The following PDE3B variants were observed in gnomAD, a reference collection of about 807,000 sequenced individuals.
PDE3B encodes the protein phosphodiesterase 3B.
In PDE3B, 66 loss-of-function variants were observed where a neutral mutation model predicts 116.8. The ratio of observed to expected loss-of-function variants is 0.56; its 90% CI spans 0.46 to 0.69. The LOEUF (loss-of-function observed/expected upper bound fraction) is 0.69, where lower values mean the gene tolerates loss of function less well. PDE3B is among the 30% of genes least tolerant of loss of function. The probability of loss-of-function intolerance (pLI) is 0.00; values close to 1 mark genes in which losing one functional copy is unlikely to be tolerated. For synonymous variants in PDE3B, 595 were observed against 533.6 expected (o/e 1.12, Z -1.59); for missense variants, 1,384 against 1,368.1 (o/e 1.01, Z -0.18).
downstream of PDE3B, among the ~76,000 whole-genome samples, chr11:14,876,543 A>C (rs1383616987): frequency 5.3e-5 from 8 of 152,158 alleles, no homozygotes; most frequent in African/African-American, 1.7e-4. Flanking sequence ...GTAGTCAGGC[A>C]TATGTTCAGG....
chr11:14,692,866 G>A (rs182754997), intron 1 of PDE3B, among the ~76,000 whole-genome samples: 1 of 152,232 alleles, frequency 6.6e-6, no homozygotes, highest in Admixed American at 6.5e-5. Flanking sequence ...TAAATAGAAA[G>A]CCAGAATGAT....
chr11:14,666,505 AATGGGAGAAAATTTTCGCAACCTACTC>A (rs1854158749), intron 1 of PDE3B, among the ~76,000 whole-genome samples: 2 of 150,208 alleles, frequency 1.3e-5, no homozygotes, highest in South Asian at 4.2e-4. Context: ...CAACCTACAA[AATGGGAGAAAATTTTCGCAACCTACTC>A]ATCTGACAAA....
chr11:14,845,673 C>G (rs903841276), intron 12 of PDE3B, among the ~76,000 whole-genome samples: 1 of 152,076 alleles, frequency 6.6e-6, no homozygotes, highest in Admixed American at 6.5e-5. Flanking sequence ...AGCCAAGGCT[C>G]GAAAACTACG....
the PDE3B span, among the ~76,000 whole-genome samples, chr11:14,895,549 A>G: frequency 6.6e-6 from 1 of 151,928 alleles, no homozygotes; most frequent in Non-Finnish European, 1.5e-5. Flanking sequence ...GAAGACTTTG[A>G]TTACAAAATG....
intron 1 of PDE3B, among the ~76,000 whole-genome samples, chr11:14,655,809 G>C (rs1441488281): frequency 1.3e-5 from 2 of 152,188 alleles, no homozygotes; most frequent in African/African-American, 4.8e-5. Flanking sequence ...ACATTGTTGT[G>C]GAAATCAGAA....
rs1858211896 is a variant in PDE3B at position 14,786,680 on chromosome 11, A to C, written c.1273A>C (p.Asn425His). Residue 425 changes from asparagine to histidine, a missense_variant, in exon 3 of 16, where the codon AAC becomes CAC. Physicochemically the swap from Asn to His is moderately conservative, Grantham distance 68. Coordinates refer to ENST00000282096, the MANE Select transcript of PDE3B (RefSeq NM_000922.4). ...AGCTGAGAAAGGGGATAGAAAACTT[A>C]ACAAGGTCGAAATACAGTAATCATC... ...DPAEKGDRKL[N>H]KGLNRNSLPT... The C allele has an allele frequency of 6.2e-7, 1 of 1,608,954 alleles. No homozygotes were observed.
intron 1 of PDE3B, among the ~76,000 whole-genome samples, chr11:14,733,563 G>A (rs1347476956): frequency 6.6e-6 from 1 of 152,098 alleles, no homozygotes; most frequent in East Asian, 1.9e-4. Context: ...TAGGGTTATG[G>A]GAGTCAGCTA....
chr11:14,718,724 G>A (rs1330996087), intron 1 of PDE3B, among the ~76,000 whole-genome samples: 4 of 150,138 alleles, frequency 2.7e-5, no homozygotes, highest in Admixed American at 6.6e-5. Context: ...TGAAACCAAC[G>A]AGAACAAACA....
chr11:14,686,491 A>G (rs1166361770), intron 1 of PDE3B, among the ~76,000 whole-genome samples: 1 of 152,212 alleles, frequency 6.6e-6, no homozygotes, highest in African/African-American at 2.4e-5. Flanking sequence ...GACGCAGAGG[A>G]AAGTTTTTCC....
Position 14,831,637 on chromosome 11 carries a change from C to G in PDE3B, c.1957-3C>G. 1 of 1,549,872 alleles carries G rather than the reference C, an allele frequency of 6.5e-7. No homozygotes were observed. Among genetic ancestry groups the G allele is most frequent in the South Asian group, 1.2e-5 (1 of 81,444 alleles). ...TAAAGTTGTTGTTTCCCTGTATGTACAGATTGAACAGGAAGTATCACTGGA... is the reference window on the plus strand; with the variant it reads ...TAAAGTTGTTGTTTCCCTGTATGTAGAGATTGAACAGGAAGTATCACTGGA... On this transcript the variant is annotated splice_region_variant and splice_polypyrimidine_tract_variant and intron_variant, in intron 8 of 15. Coordinates refer to ENST00000282096, the MANE Select transcript of PDE3B (RefSeq NM_000922.4).
chr11:14,850,976 C>A (rs931118593), intron 12 of PDE3B, among the ~76,000 whole-genome samples: 2 of 149,450 alleles, frequency 1.3e-5, no homozygotes, highest in Non-Finnish European at 3.0e-5. Context: ...CTACCACACC[C>A]AGCTATTTTT....
chr11:14,753,591 A>G (rs1857111006), intron 1 of PDE3B, among the ~76,000 whole-genome samples: 1 of 152,120 alleles, frequency 6.6e-6, no homozygotes, highest in Non-Finnish European at 1.5e-5. Flanking sequence ...CCAGTGCTGT[A>G]TCTTCAGTAT....
At chr11:14,826,632 A>G (rs895120319) in intron 7 of PDE3B, among the ~76,000 whole-genome samples, 1 of 152,166 alleles carries the variant, frequency 6.6e-6, no homozygotes. Context: ...TAAATAGCCC[A>G]CCAACCAAAA....
intron 11 of PDE3B, among the ~76,000 whole-genome samples, chr11:14,836,400 A>AT (rs942192447): frequency 4.0e-5 from 6 of 151,184 alleles, no homozygotes; most frequent in African/African-American, 7.3e-5. Flanking sequence ...TACTCATGTA[A>AT]TTTTTTTTTG....
intron 1 of PDE3B, among the ~76,000 whole-genome samples, chr11:14,716,179 G>T (rs1331791871): frequency 7.9e-5 from 12 of 152,126 alleles, no homozygotes; most frequent in Admixed American, 7.9e-4. Context: ...GGAAAATCGG[G>T]TCACTCCCAC....
chr11:14,742,793 T>G (rs1479854565), intron 1 of PDE3B, among the ~76,000 whole-genome samples: 1 of 152,060 alleles, frequency 6.6e-6, no homozygotes, highest in Non-Finnish European at 1.5e-5. Flanking sequence ...TCTTTCTGCT[T>G]GTTAGTTTTC....
chr11:14,825,772 G>A (rs116876482), intron 7 of PDE3B, among the ~76,000 whole-genome samples: 3,448 of 152,146 alleles, frequency 0.023, 63 homozygotes, highest in Non-Finnish European at 0.038. Flanking sequence ...CTCAATATGG[G>A]ACCAAATGGA....
chr11:14,698,694 T>G (rs376942409), intron 1 of PDE3B: 1 of 151,994 alleles, frequency 6.6e-6, no homozygotes, highest in African/African-American at 2.4e-5. Context: ...ACAAGATTGA[T>G]TTCTGTTATT....
chr11:14,706,091 CTACCTTCCTTTT>C lies in PDE3B; in HGVS notation c.978+61050_978+61061del, dbSNP rs543911119. ...TTGGAGTAAGTGTAATAGCAATAAC[CTACCTTCCTTTT>C]TACCTTCCTTTCTCCCCCTCTCCTT... On this transcript the variant is annotated intron_variant, in intron 1 of 15. Transcript: ENST00000282096. Among the ~76,000 whole-genome samples, 16 of 151,504 alleles carry C rather than the reference CTACCTTCCTTTT, an allele frequency of 1.1e-4. No homozygotes were observed. The East Asian group carries it at 3.1e-3, about 29-fold the overall frequency.
Sources: gnomAD v4.1 joint callset for allele counts (sites outside exome capture counted in the v4.1 genomes callset) on GRCh38, gnomAD v4.1.1 for gene constraint, MANE v1.5 for transcripts, NCBI Gene and HGNC (gene_info 2026-07-23, HGNC 2026-07-21) for gene names.